The following PIAS2 variants were observed in gnomAD, a reference collection of about 807,000 sequenced individuals.
PIAS2 encodes E3 SUMO-protein ligase PIAS2.
A neutral mutation model predicts 69.7 loss-of-function variants in PIAS2; 19 were observed. That is an observed-to-expected ratio of 0.27 (90% CI 0.19 to 0.40). The LOEUF is 0.40. Among genes scored for constraint, PIAS2 ranks in the 10% least tolerant of loss-of-function variants. The pLI, the probability that PIAS2 is intolerant of heterozygous loss-of-function variation, is 1.00. For missense variants in PIAS2, 624 were observed against 757.0 expected (o/e 0.82, Z 2.06); for synonymous variants, 261 against 263.2 (o/e 0.99, Z 0.08).
intron 5 of PIAS2, among the ~76,000 whole-genome samples, chr18:46,849,248 A>C (rs950644010): frequency 5.3e-5 from 8 of 152,142 alleles, no homozygotes; most frequent in African/African-American, 1.7e-4. Context: ...AAGTGTTTTC[A>C]ATCTATTCTG....
upstream of PIAS2, chr18:46,920,101 C>T: frequency 7.8e-7 from 1 of 1,289,554 alleles, no homozygotes; most frequent in South Asian, 1.2e-5. Flanking sequence ...TCATTCTGCC[C>T]CTTCCTCAAT....
At chr18:46,813,100 G>A (rs915964141) in intron 13 of PIAS2, among the ~76,000 whole-genome samples, 1 of 152,126 alleles carries the variant, frequency 6.6e-6, no homozygotes, top group Non-Finnish European at 1.5e-5. Context: ...CCAGCTGAAT[G>A]ATGGCATTGG....
intron 11 of PIAS2, among the ~76,000 whole-genome samples, chr18:46,825,222 A>G (rs2042693255): frequency 6.6e-6 from 1 of 152,182 alleles, no homozygotes; most frequent in Non-Finnish European, 1.5e-5. Context: ...ACAAAGTCAC[A>G]AAAGTCTAAG....
chr18:46,874,319 C>T (rs944801150), intron 2 of PIAS2, among the ~76,000 whole-genome samples: 2 of 152,142 alleles, frequency 1.3e-5, no homozygotes, highest in Non-Finnish European at 2.9e-5. Flanking sequence ...AAGTTATTCC[C>T]TTTTCAAGTG....
At chr18:46,828,779 A>G (rs2043168869) in intron 10 of PIAS2, among the ~76,000 whole-genome samples, 1 of 152,220 alleles carries the variant, frequency 6.6e-6, no homozygotes, top group Non-Finnish European at 1.5e-5. Context: ...CTCACATACC[A>G]TATTTGTTAA....
chr18:46,807,374 TATATATA>T lies in PIAS2; in HGVS notation c.*5052_*5058del, dbSNP rs1251952497. Reference sequence around the variant, plus strand: ...CAGATTTTATATATATATATATATATATATATATATTTTTTTTTTTTTTTTTTTTTTT... The same window carrying T: ...CAGATTTTATATATATATATATATATTATTTTTTTTTTTTTTTTTTTTTTT... On this transcript the variant is annotated 3_prime_UTR_variant, in exon 14 of 14. Coordinates refer to ENST00000585916, the MANE Select transcript of PIAS2 (RefSeq NM_004671.5). The T allele has an allele frequency of 5.4e-3, 167 of 30,714 alleles. 4 individuals carry two copies. The highest frequency in any genetic ancestry group is 0.032 in the African/African-American group (155 of 4,784). 1.9% of individuals were successfully genotyped at this position (30,714 alleles called of 1,614,324 possible).
chr18:46,918,947 T>TA (rs1232320926), upstream of PIAS2, among the ~76,000 whole-genome samples: 13 of 151,890 alleles, frequency 8.6e-5, no homozygotes, highest in African/African-American at 3.1e-4. Flanking sequence ...CCATGGTAAT[T>TA]ATGTAGGTAT....
At position 46,803,641 on chromosome 18, in the gene PIAS2, G is replaced by C. The variant is rs1315291250; in HGVS notation, c.*8792C>G. 6.6e-6 allele frequency: 1 copy of C among 152,226 alleles called. No homozygotes were observed. The highest frequency in any genetic ancestry group is 2.4e-5 in the African/African-American group (1 of 41,456). 9.4% of individuals were successfully genotyped at this position (152,226 alleles called of 1,614,324 possible). Reference sequence around the variant, plus strand: ...TTTTGTTCCAGTTCCAAAGTATTGAGTCTAATAATGATTTGGGTCAGGTGG... The same window carrying C: ...TTTTGTTCCAGTTCCAAAGTATTGACTCTAATAATGATTTGGGTCAGGTGG... On this transcript the variant is annotated 3_prime_UTR_variant, in exon 14 of 14. Transcript: ENST00000585916.
intron 9 of PIAS2, among the ~76,000 whole-genome samples, chr18:46,830,621 C>T (rs946001690): frequency 2.6e-5 from 4 of 151,456 alleles, no homozygotes; most frequent in African/African-American, 7.3e-5. Flanking sequence ...AAGAACAAAA[C>T]AAACAAATAG....
chr18:46,915,660 T>C (rs1022808659), intron 1 of PIAS2: 1 of 152,186 alleles, frequency 6.6e-6, no homozygotes, highest in Non-Finnish European at 1.5e-5. Context: ...CAGTTGCTGG[T>C]TGCACTCCAA....
chr18:46,829,174 T>G (rs2043230559), intron 10 of PIAS2, among the ~76,000 whole-genome samples: 1 of 152,186 alleles, frequency 6.6e-6, no homozygotes, highest in South Asian at 2.1e-4. Context: ...TTTCAATTAC[T>G]CCAAATGCCC....
intron 2 of PIAS2, among the ~76,000 whole-genome samples, chr18:46,888,682 C>T (rs1568752312): frequency 6.6e-6 from 1 of 152,134 alleles, no homozygotes; most frequent in Admixed American, 6.5e-5. Context: ...ATTAGATTCT[C>T]GTAAGGAGCA....
At chr18:46,870,294 T>C (rs1159885283) in intron 2 of PIAS2, among the ~76,000 whole-genome samples, 1 of 151,878 alleles carries the variant, frequency 6.6e-6, no homozygotes, top group Non-Finnish European at 1.5e-5. Flanking sequence ...TGCTCCCCCT[T>C]CACTAGCTCA....
At chr18:46,846,006 C>T (rs2046117785) in intron 6 of PIAS2, among the ~76,000 whole-genome samples, 2 of 152,146 alleles carry the variant, frequency 1.3e-5, no homozygotes, top group South Asian at 4.1e-4. Flanking sequence ...GTAATAAGAA[C>T]ACTGAAACTG....
In PIAS2 at chr18:46,828,068, C is replaced by A. The variant is rs530727655; in HGVS notation, c.1399G>T (p.Val467Leu). 6.2e-7 allele frequency: 1 copy of A among 1,613,850 alleles called. No individual in the cohort carries two copies. Among genetic ancestry groups the A allele is most frequent in the African/African-American group, 1.3e-5 (1 of 75,034 alleles). The change falls in exon 11 of 14, where the codon GTA becomes TTA. Residue 467 changes from valine to leucine, a missense_variant. Val to Leu is a conservative substitution (Grantham distance 32). Around this residue, in one of 3 missense-constraint regions of PIAS2, gnomAD observed 241 missense variants for 257.3 expected, o/e 0.94. Coordinates refer to ENST00000585916, the MANE Select transcript of PIAS2 (RefSeq NM_004671.5). ...TVASEASKKKVDVIDLTIESS... is the reference protein window; with the variant it reads ...TVASEASKKKLDVIDLTIESS... ...TCTATTGTAAGATCAATAACATCTA[C>A]TTTCTTCTTGCTTGCCTCACTGGCT...
intron 2 of PIAS2, among the ~76,000 whole-genome samples, chr18:46,883,743 TAGGTAGG>T (rs1033315551): frequency 2.0e-5 from 3 of 152,088 alleles, no homozygotes; most frequent in African/African-American, 7.2e-5. Flanking sequence ...TCAGGAAGCC[TAGGTAGG>T]AGGATTGCTT....
At chr18:46,820,152 A>G (rs1347302192) in intron 12 of PIAS2, among the ~76,000 whole-genome samples, 2 of 152,204 alleles carry the variant, frequency 1.3e-5, no homozygotes, top group Non-Finnish European at 2.9e-5. Context: ...TTTGTCACTC[A>G]GTAGCCATTT....
chr18:46,887,258 T>TG (rs1373858757), intron 2 of PIAS2, among the ~76,000 whole-genome samples: 6 of 133,826 alleles, frequency 4.5e-5, no homozygotes, highest in African/African-American at 1.4e-4. Flanking sequence ...AGCAAAAAAT[T>TG]GAAAAAAAAA....
chr18:46,867,620 C>T (rs1202189378), intron 2 of PIAS2, among the ~76,000 whole-genome samples: 1 of 152,204 alleles, frequency 6.6e-6, no homozygotes, highest in Non-Finnish European at 1.5e-5. Context: ...GATCATGGCT[C>T]AAGGGCATGA....
Sources: allele counts gnomAD v4.1 joint callset (sites outside exome capture counted in the v4.1 genomes callset), GRCh38; gene constraint gnomAD v4.1.1; regional missense constraint gnomAD v4.1.1; transcripts MANE v1.5; gene names NCBI Gene and HGNC (gene_info 2026-07-23, HGNC 2026-07-21).